The following LRP1B variants were observed in gnomAD, a reference collection of about 807,000 sequenced individuals.
LRP1B encodes low-density lipoprotein receptor-related protein 1B.
LRP1B carries 217 observed loss-of-function variants against 556.6 expected under a neutral mutation model. The ratio of observed to expected loss-of-function variants is 0.39; its 90% CI spans 0.35 to 0.44. The LOEUF (loss-of-function observed/expected upper bound fraction) is 0.44, where lower values mean the gene tolerates loss of function less well. Among genes scored for constraint, LRP1B ranks in the 20% least tolerant of loss-of-function variants. The pLI, the probability that LRP1B is intolerant of heterozygous loss-of-function variation, is 1.00. For synonymous variants in LRP1B, 2,047 were observed against 1,865.8 expected (o/e 1.10, Z -2.50); for missense variants, 5,053 against 5,620.8 (o/e 0.90, Z 3.23).
chr2:140,339,117 A>G (rs914589792), intron 77 of LRP1B, among the ~76,000 whole-genome samples: 1 of 151,768 alleles, frequency 6.6e-6, no homozygotes, highest in Non-Finnish European at 1.5e-5. Flanking sequence ...CTTTGTAGGA[A>G]TGCATTAGTC....
At chr2:141,152,895 A>T (rs1173678018) in intron 7 of LRP1B, among the ~76,000 whole-genome samples, 1 of 151,438 alleles carries the variant, frequency 6.6e-6, no homozygotes, top group East Asian at 1.9e-4. Flanking sequence ...TGTCCTTGTC[A>T]TATTAAAATT....
At chr2:141,022,214 G>T (rs1414338016) in intron 11 of LRP1B, among the ~76,000 whole-genome samples, 1 of 151,132 alleles carries the variant, frequency 6.6e-6, no homozygotes, top group Non-Finnish European at 1.5e-5. Context: ...CTTAGGCTAG[G>T]TATCTAGTCT....
At chr2:141,310,405 GTTA>G (rs1044868962) in intron 3 of LRP1B, among the ~76,000 whole-genome samples, 21 of 152,096 alleles carry the variant, frequency 1.4e-4, no homozygotes, top group African/African-American at 5.1e-4. Flanking sequence ...ACCTCGTAGG[GTTA>G]TTATAATGAT....
At chr2:141,820,409 G>A (rs532574282) in intron 1 of LRP1B, among the ~76,000 whole-genome samples, 3 of 152,064 alleles carry the variant, frequency 2.0e-5, no homozygotes, top group South Asian at 2.1e-4. Context: ...GGACAGTTCC[G>A]TTTTGCAAAG....
chr2:140,855,677 T>A (rs938689191), intron 27 of LRP1B, among the ~76,000 whole-genome samples: 1 of 151,806 alleles, frequency 6.6e-6, no homozygotes, highest in African/African-American at 2.4e-5. Context: ...AAAGAAGTTA[T>A]CAAGGCCAGG....
At chr2:141,223,471 A>G (rs1289851345) in intron 6 of LRP1B, among the ~76,000 whole-genome samples, 3 of 152,248 alleles carry the variant, frequency 2.0e-5, no homozygotes, top group Non-Finnish European at 4.4e-5. Flanking sequence ...AGCAGTTTAT[A>G]GATTCCATGC....
At chr2:141,024,854 G>A (rs540942780) in intron 11 of LRP1B, among the ~76,000 whole-genome samples, 2 of 151,982 alleles carry the variant, frequency 1.3e-5, no homozygotes, top group Non-Finnish European at 2.9e-5. Context: ...ATATACTGTG[G>A]GTGGCATTAC....
intron 31 of LRP1B, among the ~76,000 whole-genome samples, chr2:140,829,354 C>T (rs1691636393): frequency 6.6e-6 from 1 of 152,122 alleles, no homozygotes; most frequent in African/African-American, 2.4e-5. Flanking sequence ...GCACATGGAA[C>T]ATTTTCCAGA....
At chr2:141,349,505 G>A (rs865774440) in intron 3 of LRP1B, among the ~76,000 whole-genome samples, 1 of 152,074 alleles carries the variant, frequency 6.6e-6, no homozygotes, top group Middle Eastern at 3.2e-3. Context: ...AACCTCTGTA[G>A]TTTACTAAAA....
At chr2:140,448,858 C>T (rs1167441997) in intron 63 of LRP1B, among the ~76,000 whole-genome samples, 1 of 151,968 alleles carries the variant, frequency 6.6e-6, no homozygotes, top group Non-Finnish European at 1.5e-5. Flanking sequence ...CATCATGTTG[C>T]ATACCTTAAA....
At chr2:141,046,654 G>T (rs899425104) in intron 11 of LRP1B, among the ~76,000 whole-genome samples, 4 of 152,060 alleles carry the variant, frequency 2.6e-5, no homozygotes, top group Admixed American at 2.6e-4. Flanking sequence ...TAGGTGGAAT[G>T]CAAAGAACCA....
At chr2:141,032,145 AT>A (rs1317949285) in intron 11 of LRP1B, among the ~76,000 whole-genome samples, 1 of 152,074 alleles carries the variant, frequency 6.6e-6, no homozygotes, top group Non-Finnish European at 1.5e-5. Flanking sequence ...AAATAGGATC[AT>A]TCTGCAAAAA....
chr2:141,101,488 T>C (rs550993637), intron 7 of LRP1B, among the ~76,000 whole-genome samples: 84 of 152,224 alleles, frequency 5.5e-4, no homozygotes, highest in African/African-American at 1.9e-3. Context: ...ATCTTCCTAA[T>C]ACATTAATAA....
intron 1 of LRP1B, among the ~76,000 whole-genome samples, chr2:141,879,602 A>G (rs986836391): frequency 6.6e-6 from 1 of 151,768 alleles, no homozygotes; most frequent in Non-Finnish European, 1.5e-5. Flanking sequence ...TAATTGGGAG[A>G]GTGAAAATGT....
intron 6 of LRP1B, among the ~76,000 whole-genome samples, chr2:141,202,188 T>G (rs1682055715): frequency 6.6e-6 from 1 of 152,102 alleles, no homozygotes; most frequent in Admixed American, 6.6e-5. Flanking sequence ...CAGCTCCCAC[T>G]TGTGACTGAG....
chr2:141,079,695 A>G (rs545013477), intron 7 of LRP1B, among the ~76,000 whole-genome samples: 81 of 152,322 alleles, frequency 5.3e-4, no homozygotes, highest in African/African-American at 1.8e-3. Context: ...ACAAATTTTC[A>G]TAATCATTAA....
intron 1 of LRP1B, among the ~76,000 whole-genome samples, chr2:142,011,290 T>C (rs537091560): frequency 6.6e-6 from 1 of 152,306 alleles, no homozygotes; most frequent in Non-Finnish European, 1.5e-5. Flanking sequence ...AACTTCCTCT[T>C]CTCCCTTAGT....
At chr2:140,256,359 C>T (rs1214987354) in intron 86 of LRP1B, among the ~76,000 whole-genome samples, 1 of 150,830 alleles carries the variant, frequency 6.6e-6, no homozygotes, top group East Asian at 1.9e-4. Flanking sequence ...ACGTTTTAAC[C>T]TTAGTCTCCC....
intron 2 of LRP1B, among the ~76,000 whole-genome samples, chr2:141,535,198 CCT>C (rs1685032360): frequency 1.3e-5 from 2 of 152,226 alleles, no homozygotes; most frequent in South Asian, 2.1e-4. Flanking sequence ...ACTGAGCAGA[CCT>C]CTCTGTGACC....
Sources: allele counts gnomAD v4.1 joint callset (sites outside exome capture counted in the v4.1 genomes callset), GRCh38; gene constraint gnomAD v4.1.1; transcripts MANE v1.5; gene names NCBI Gene and HGNC (gene_info 2026-07-23, HGNC 2026-07-21).